The following MACIR variants were observed in gnomAD, a reference collection of about 807,000 sequenced individuals.
The protein encoded by MACIR is macrophage immunometabolism regulator.
In MACIR, 4 loss-of-function variants were observed where a neutral mutation model predicts 14.3. The observed-to-expected ratio is 0.28, with a 90% CI of 0.14 to 0.64. The LOEUF is 0.64. MACIR is among the 30% of genes least tolerant of loss of function. The pLI is 0.83. For synonymous variants in MACIR, 101 were observed against 102.4 expected (o/e 0.99, Z 0.08); for missense variants, 228 against 257.6 (o/e 0.89, Z 0.79).
chr5:103,278,003 T>A lies in MACIR; in HGVS notation c.*1463T>A, dbSNP rs1554237966. The A allele has an allele frequency of 6.0e-6, 1 of 167,026 alleles. No homozygotes were observed. The highest frequency in any genetic ancestry group is 2.4e-5 in the African/African-American group (1 of 41,422). 10.3% of individuals were successfully genotyped at this position (167,026 alleles called of 1,614,324 possible). ...ATGGCAAACTCTATTTAGAGCAAAG[T>A]AAGTATTAGAAAACCCTAGGAACTC... On this transcript the variant is annotated 3_prime_UTR_variant, in exon 3 of 3. Transcript: ENST00000319933.
At position 103,276,828 on chromosome 5, in the gene MACIR, T is replaced by C; in HGVS notation, c.*288T>C. ...AAAAGGCTTTGGTACAGTAATTTCA[T>C]CTTTATGATTCTGACACTCAAATTG... On this transcript the variant is annotated 3_prime_UTR_variant, in exon 3 of 3. Coordinates refer to ENST00000319933, the MANE Select transcript of MACIR (RefSeq NM_033211.4). 1.2e-5 allele frequency: 3 copies of C among 253,998 alleles called. No homozygotes were observed. The highest frequency in any genetic ancestry group is 2.4e-5 in the Non-Finnish European group (3 of 124,360). The allele number at this position is 253,998 out of a possible 1,614,324, so 15.7% of individuals were successfully genotyped here.
rs190046076 is a variant in MACIR, at chr5:103,278,195, A to G, written c.*1655A>G. On this transcript the variant is annotated 3_prime_UTR_variant, in exon 3 of 3. Transcript: ENST00000319933. ...CCTTTGTAACATATTGTATTGACGAATGATCACTAAGATTAGCTATATCTA... is the reference window on the plus strand; with the variant it reads ...CCTTTGTAACATATTGTATTGACGAGTGATCACTAAGATTAGCTATATCTA... The G allele has an allele frequency of 3.6e-5, 6 of 167,176 alleles. No homozygotes were observed. The highest frequency in any genetic ancestry group is 3.3e-4 in the Admixed American group (5 of 15,304). 10.4% of individuals were successfully genotyped at this position (167,176 alleles called of 1,614,324 possible).
intron 2 of MACIR, among the ~76,000 whole-genome samples, chr5:103,270,298 T>C (rs1277075778): frequency 6.6e-6 from 1 of 152,238 alleles, no homozygotes; most frequent in African/African-American, 2.4e-5. Flanking sequence ...CATTTTTACT[T>C]CTGGAATTTC....
At chr5:103,264,561 G>A (rs1290514090) in intron 1 of MACIR, among the ~76,000 whole-genome samples, 1 of 152,090 alleles carries the variant, frequency 6.6e-6, no homozygotes, top group Non-Finnish European at 1.5e-5. Flanking sequence ...AAAACCAGAG[G>A]CTTCATTGGT....
chr5:103,272,630 A>G (rs1554237213), intron 2 of MACIR, among the ~76,000 whole-genome samples: 1 of 152,138 alleles, frequency 6.6e-6, no homozygotes, highest in Non-Finnish European at 1.5e-5. Flanking sequence ...CAAATGAAAT[A>G]TTTGACATTG....
intron 1 of MACIR, among the ~76,000 whole-genome samples, chr5:103,262,940 C>G (rs1804780425): frequency 6.6e-6 from 1 of 152,002 alleles, no homozygotes; most frequent in South Asian, 2.1e-4. Flanking sequence ...GAACATTGGC[C>G]AAAATCAGTT....
At chr5:103,269,858 A>G (rs112116639) in intron 2 of MACIR, among the ~76,000 whole-genome samples, 1 of 152,192 alleles carries the variant, frequency 6.6e-6, no homozygotes, top group Non-Finnish European at 1.5e-5. Flanking sequence ...TGTACACTGT[A>G]TATATTTTTG....
chr5:103,263,945 A>C (rs187714767), intron 1 of MACIR, among the ~76,000 whole-genome samples: 2 of 152,184 alleles, frequency 1.3e-5, no homozygotes, highest in Non-Finnish European at 2.9e-5. Context: ...AGGATTTTGT[A>C]TAAGACTTTC....
Position 103,275,917 on chromosome 5 carries a change from A to C in MACIR, c.-3A>C, listed in dbSNP as rs1311505395. On this transcript the variant is annotated 5_prime_UTR_variant, in exon 3 of 3. Coordinates refer to ENST00000319933, the MANE Select transcript of MACIR (RefSeq NM_033211.4). The stretch of plus-strand genomic sequence containing the variant: ...TTTAGGATTGTGCAGACTGGTGCTT[A>C]AAATGGAAGTCGATATTAATGGAGA... The C allele has an allele frequency of 1.2e-6, 2 of 1,608,288 alleles. No homozygotes were observed. Among genetic ancestry groups the C allele is most frequent in the Non-Finnish European group, 1.7e-6 (2 of 1,176,688 alleles).
At chr5:103,267,035 A>G (rs1804949920) in intron 2 of MACIR, among the ~76,000 whole-genome samples, 1 of 152,150 alleles carries the variant, frequency 6.6e-6, no homozygotes, top group African/African-American at 2.4e-5. Flanking sequence ...TCACTGACTC[A>G]GCTAATAGAA....
intron 1 of MACIR, among the ~76,000 whole-genome samples, chr5:103,263,510 A>T (rs1034994063): frequency 6.6e-6 from 1 of 152,182 alleles, no homozygotes; most frequent in African/African-American, 2.4e-5. Context: ...TCTGCTTTCA[A>T]ATCCAGACTA....
intron 1 of MACIR, among the ~76,000 whole-genome samples, chr5:103,264,453 A>G (rs1804850088): frequency 6.6e-6 from 1 of 152,146 alleles, no homozygotes; most frequent in South Asian, 2.1e-4. Flanking sequence ...AGAAATGCAG[A>G]TGAATGTTAT....
intron 1 of MACIR, among the ~76,000 whole-genome samples, chr5:103,261,681 T>TC (rs1491233767): frequency 2.3e-5 from 3 of 129,604 alleles, no homozygotes; most frequent in East Asian, 2.2e-4. Context: ...TTTCTTTCTT[T>TC]CTTTCTTTCT....
chr5:103,261,690 CTTTCTTTCTTT>C (rs1804721517), intron 1 of MACIR, among the ~76,000 whole-genome samples: 4 of 120,234 alleles, frequency 3.3e-5, no homozygotes, highest in African/African-American at 1.0e-4. Context: ...TTCTTTCTTT[CTTTCTTTCTTT>C]CTTCCTTTCT....
At chr5:103,265,574 G>C (rs1489760626) in intron 1 of MACIR, among the ~76,000 whole-genome samples, 4 of 152,102 alleles carry the variant, frequency 2.6e-5, no homozygotes, top group Non-Finnish European at 5.9e-5. Flanking sequence ...CTGTGAATCG[G>C]TTGAACACAT....
chr5:103,274,868 G>A (rs1408526145), intron 2 of MACIR, among the ~76,000 whole-genome samples: 1 of 152,082 alleles, frequency 6.6e-6, no homozygotes, highest in African/African-American at 2.4e-5. Context: ...CAATTAAAAA[G>A]CAAGTACAAA....
At chr5:103,268,570 T>TAA (rs1805009995) in intron 2 of MACIR, among the ~76,000 whole-genome samples, 1 of 152,196 alleles carries the variant, frequency 6.6e-6, no homozygotes, top group African/African-American at 2.4e-5. Flanking sequence ...TTCTATCTGA[T>TAA]AAGTTCTATC....
chr5:103,265,492 C>T (rs1251784537), intron 1 of MACIR, among the ~76,000 whole-genome samples: 1 of 152,156 alleles, frequency 6.6e-6, no homozygotes, highest in African/African-American at 2.4e-5. Context: ...GAGTTCTTGG[C>T]AAGGCCAGAG....
At chr5:103,259,495 C>T (rs1554236001) in intron 1 of MACIR, 1 of 152,218 alleles carries the variant, frequency 6.6e-6, no homozygotes, top group African/African-American at 2.4e-5. Flanking sequence ...TTTCCCCGGC[C>T]GGCGGCACCT....
Sources: allele counts gnomAD v4.1 joint callset (sites outside exome capture counted in the v4.1 genomes callset), GRCh38; gene constraint gnomAD v4.1.1; transcripts MANE v1.5; gene names NCBI Gene and HGNC (gene_info 2026-07-23, HGNC 2026-07-21).